IARS1: variants seen among roughly 807,000 people sequenced by gnomAD.
IARS1 encodes the protein isoleucine--tRNA ligase, cytoplasmic.
A neutral mutation model predicts 168.2 loss-of-function variants in IARS1; 124 were observed. The observed-to-expected ratio is 0.74, with a 90% CI of 0.64 to 0.86. The LOEUF is 0.86. IARS1 is among the 40% of genes least tolerant of loss of function. IARS1 has a pLI of 0.00. For missense variants in IARS1, 1,452 were observed against 1,515.8 expected, an observed-to-expected ratio of 0.96 and a Z score of 0.70; for synonymous variants, 532 against 529.4, an observed-to-expected ratio of 1.00 and a Z score of -0.07.
At chr9:92,222,410 A>G in intron 33 of IARS1, 110 bp downstream of exon 33, 1 of 660,642 alleles carries the variant, frequency 1.5e-6, no homozygotes, top group South Asian at 4.3e-5. Flanking sequence ...AAAGAATAAC[A>G]AAACAGGATA....
intron 33 of IARS1, among the ~76,000 whole-genome samples, chr9:92,218,616 T>C (rs1839159179): frequency 4.1e-5 from 4 of 97,432 alleles, no homozygotes; most frequent in African/African-American, 3.1e-4. Flanking sequence ...TCACAAGCAT[T>C]CTTATACACC....
chr9:92,255,686 T>G (rs73516549), intron 20 of IARS1, among the ~76,000 whole-genome samples: 4,733 of 152,272 alleles, frequency 0.031, 265 homozygotes, highest in African/African-American at 0.11. Context: ...TATTATTTAT[T>G]GAGTACCTAT....
At chr9:92,236,274 G>A (rs945089993) in intron 30 of IARS1, among the ~76,000 whole-genome samples, 6 of 152,166 alleles carry the variant, frequency 3.9e-5, no homozygotes, top group South Asian at 2.1e-4. Flanking sequence ...ATAAGCCACC[G>A]TGCCCAGCCT....
In IARS1 at chr9:92,250,985, G is replaced by A. The variant is rs58731578; in HGVS notation, c.2308-151C>T. 2.9e-3 allele frequency: 2,253 copies of A among 778,832 alleles called. 55 individuals carry two copies. In the East Asian group the frequency reaches 0.045, roughly 16 times the overall value. The allele number at this position is 778,832 out of a possible 1,614,324, so 48.2% of individuals were successfully genotyped here. ...GTTACAAAACATGCCCTGTGAATGA[G>A]AAATGGCCTCATATCCCTGAAGCAT... On this transcript the variant is annotated intron_variant, in intron 22 of 33. Transcript: ENST00000443024.
At chr9:92,261,216 G>C (rs1255851474) in intron 17 of IARS1, among the ~76,000 whole-genome samples, 1 of 151,982 alleles carries the variant, frequency 6.6e-6, no homozygotes, top group African/African-American at 2.4e-5. Flanking sequence ...GGCTGAGATG[G>C]GAGAATCGCT....
chr9:92,250,743 C>G lies in IARS1; in HGVS notation c.2399G>C (p.Ser800Thr). Residue 800 changes from serine to threonine, a missense_variant, in exon 23 of 34, where the codon AGC (serine) becomes ACC (threonine). Transcript: ENST00000443024. ...PVSVQDKDTL[S>T]IHYLMLPRVR... ...ACGGGGCAGCATGAGGTAGTGAATG[C>G]TGAGTGTGTCCTTGTCCTGAACAGA... 1 of 1,612,800 alleles carries G rather than the reference C, an allele frequency of 6.2e-7. No homozygotes were observed. The highest frequency in any genetic ancestry group is 1.1e-5 in the South Asian group (1 of 90,766).
In IARS1 at chr9:92,214,330, T is replaced by C. The variant is rs368311560; in HGVS notation, c.3707-3441A>G. On this transcript the variant is annotated intron_variant, in intron 33 of 33. Coordinates refer to ENST00000443024, the MANE Select transcript of IARS1 (RefSeq NM_002161.6). ...CAGCACTTTGGGAGGCCCAAGTGGG[T>C]GGATCACCTGAGGTCAGGAGTTTGA... Among the ~76,000 whole-genome samples, 21 of 151,914 alleles carry C rather than the reference T, an allele frequency of 1.4e-4. No individual in the cohort carries two copies. The South Asian group carries it at 3.5e-3, about 26-fold the overall frequency.
At chr9:92,286,989 T>C (rs1454017268) in intron 4 of IARS1, among the ~76,000 whole-genome samples, 1 of 152,180 alleles carries the variant, frequency 6.6e-6, no homozygotes, top group Non-Finnish European at 1.5e-5. Flanking sequence ...CACAAGATAC[T>C]TATTAATTAC....
At chr9:92,234,949 T>A (rs1341112871) in intron 30 of IARS1, among the ~76,000 whole-genome samples, 2 of 152,036 alleles carry the variant, frequency 1.3e-5, no homozygotes, top group Non-Finnish European at 2.9e-5. Context: ...GTTCAAGTGA[T>A]TCTCCTGCCT....
chr9:92,215,753 C>T (rs955476166), intron 33 of IARS1, among the ~76,000 whole-genome samples: 1 of 151,616 alleles, frequency 6.6e-6, no homozygotes, highest in Non-Finnish European at 1.5e-5. Context: ...GTAAAGCCTC[C>T]AAGAAATATG....
At chr9:92,254,511 G>C (rs1359692606) in intron 20 of IARS1, among the ~76,000 whole-genome samples, 3 of 152,204 alleles carry the variant, frequency 2.0e-5, no homozygotes, top group Non-Finnish European at 2.9e-5. Context: ...ACAAAGACCA[G>C]AACTCAGATG....
chr9:92,284,789 A>C (rs1436233411), intron 6 of IARS1, among the ~76,000 whole-genome samples: 1 of 152,066 alleles, frequency 6.6e-6, no homozygotes, highest in Non-Finnish European at 1.5e-5. Context: ...ACAAACAAAA[A>C]CCAAATATAG....
intron 16 of IARS1, among the ~76,000 whole-genome samples, 183 bp from the exon 17 acceptor site, chr9:92,263,238 A>C (rs1373123988): frequency 1.3e-5 from 2 of 152,222 alleles, no homozygotes; most frequent in Non-Finnish European, 2.9e-5. Flanking sequence ...GATTTGAAAG[A>C]AGCATTGAAA....
chr9:92,256,640 T>C (rs769689169), intron 20 of IARS1, 40 bp downstream of exon 20: 4 of 1,582,190 alleles, frequency 2.5e-6, no homozygotes, highest in East Asian at 4.5e-5. Context: ...ACAAAGAGAA[T>C]AGTCCTTATT....
At chr9:92,277,732 T>C in intron 9 of IARS1, 131 bp downstream of exon 9, 1 of 633,470 alleles carries the variant, frequency 1.6e-6, no homozygotes, top group East Asian at 3.0e-5. Context: ...TTTAATTTTG[T>C]TGGTACTAAA....
chr9:92,253,403 G>T lies in IARS1; in HGVS notation c.2188C>A (p.Leu730Met). The T allele has an allele frequency of 6.2e-7, 1 of 1,613,770 alleles. No individual in the cohort carries two copies. The highest frequency in any genetic ancestry group is 8.5e-7 in the Non-Finnish European group (1 of 1,179,740). ...TTCATTCTAACATACCAATTGGTCAGAATATCTACAAACTTGACCAGGCGA... is the reference window on the plus strand; with the variant it reads ...TTCATTCTAACATACCAATTGGTCATAATATCTACAAACTTGACCAGGCGA... ...VPRLVKFVDILTNWYVRMNRR... is the reference protein window; with the variant it reads ...VPRLVKFVDIMTNWYVRMNRR... Residue 730 changes from leucine (L) to methionine (M), a missense_variant, in exon 21 of 34, where the codon CTG becomes ATG. Transcript: ENST00000443024.
intron 14 of IARS1, 72 bp from the exon 15 acceptor site, chr9:92,265,625 C>A (rs1356564495): frequency 8.8e-7 from 1 of 1,131,612 alleles, no homozygotes; most frequent in African/African-American, 1.5e-5. Context: ...ATTTATATAG[C>A]ATGCATGTTT....
chr9:92,285,648 C>T (rs1000114717), intron 6 of IARS1, 74 bp downstream of exon 6: 8 of 880,056 alleles, frequency 9.1e-6, no homozygotes, highest in Non-Finnish European at 1.5e-5. Flanking sequence ...CTTGGGAATA[C>T]CTACTGTGAT....
rs554959562 is a variant in IARS1 at position 92,256,808 on chromosome 9, G to A, written c.2017-8C>T. On this transcript the variant is annotated splice_polypyrimidine_tract_variant and splice_region_variant and intron_variant, in intron 19 of 33. Transcript: ENST00000443024. Reference sequence around the variant, plus strand: ...AAATTCTATTTCTTCCTCCTAGGAAGGAACAATTAATGAAACACTGGCACA... The same window carrying A: ...AAATTCTATTTCTTCCTCCTAGGAAAGAACAATTAATGAAACACTGGCACA... 3.7e-6 allele frequency: 6 copies of A among 1,605,120 alleles called. No individual in the cohort carries two copies. The African/African-American group carries it at 8.0e-5, about 21-fold the overall frequency.
Sources: gnomAD v4.1 joint callset for allele counts (sites outside exome capture counted in the v4.1 genomes callset) on GRCh38, gnomAD v4.1.1 for gene constraint, MANE v1.5 for transcripts, NCBI Gene and HGNC (gene_info 2026-07-23, HGNC 2026-07-21) for gene names.